DNAH9: variants seen among roughly 807,000 people sequenced by gnomAD.
DNAH9 encodes the protein dynein axonemal heavy chain 9, also known as DNAH9 variant protein.
In DNAH9, 345 loss-of-function variants were observed where a neutral mutation model predicts 471.6. The ratio of observed to expected loss-of-function variants is 0.73; its 90% CI spans 0.67 to 0.80. The LOEUF (loss-of-function observed/expected upper bound fraction) is 0.80. DNAH9 is among the 30% of genes least tolerant of loss of function. The pLI, the probability that DNAH9 is intolerant of heterozygous loss-of-function variation, is 0.00. For missense variants in DNAH9, 5,407 were observed against 5,609.2 expected, an observed-to-expected ratio of 0.96 and a Z score of 1.15; for synonymous variants, 2,093 against 2,123.6, an observed-to-expected ratio of 0.99 and a Z score of 0.40.
At chr17:11,904,222 G>A (rs925493258) in intron 60 of DNAH9, among the ~76,000 whole-genome samples, 1 of 152,142 alleles carries the variant, frequency 6.6e-6, no homozygotes, top group African/African-American at 2.4e-5. Context: ...TGTCACCCAG[G>A]CTGAAAGAGA....
Position 11,854,334 on chromosome 17 carries a change from G to C in DNAH9, c.9839G>C (p.Cys3280Ser). ...ATTGTGAGATTTTATGAGGTGTTCTGTGATGTGGAACCCAAGCGCCAGGCA... is the reference window on the plus strand; with the variant it reads ...ATTGTGAGATTTTATGAGGTGTTCTCTGATGTGGAACCCAAGCGCCAGGCA... ...INIVRFYEVF[C>S]DVEPKRQALN... The change falls in exon 50 of 69, where the codon TGT becomes TCT. Residue 3280 changes from cysteine (C) to serine (S), a missense_variant. By Grantham distance (112) the Cys-to-Ser change is moderately radical (BLOSUM62 -1). Around this residue, in one of 3 missense-constraint regions of DNAH9, gnomAD observed 4,636 missense variants for 4,900.3 expected, o/e 0.95. Coordinates refer to ENST00000262442, the MANE Select transcript of DNAH9 (RefSeq NM_001372.4). 6.2e-7 allele frequency: 1 copy of C among 1,614,094 alleles called. No homozygotes were observed. The highest frequency in any genetic ancestry group is 1.7e-5 in the Admixed American group (1 of 60,012).
At chr17:11,957,539 C>A (rs1188566409) in intron 67 of DNAH9, among the ~76,000 whole-genome samples, 1 of 145,708 alleles carries the variant, frequency 6.9e-6, no homozygotes, top group African/African-American at 2.5e-5. Flanking sequence ...CTTGGATTTT[C>A]TTTATGCCTC....
At chr17:11,863,859 G>A (rs1181250445) in intron 50 of DNAH9, among the ~76,000 whole-genome samples, 4 of 151,494 alleles carry the variant, frequency 2.6e-5, no homozygotes, top group African/African-American at 9.7e-5. Context: ...TGTGGGATCG[G>A]TGGTGATATC....
At chr17:11,812,284 T>G (rs1969956419) in intron 45 of DNAH9, among the ~76,000 whole-genome samples, 2 of 151,072 alleles carry the variant, frequency 1.3e-5, no homozygotes, top group Admixed American at 1.3e-4. Context: ...CTCAAAAGCC[T>G]TCTCTCTCTC....
chr17:11,736,834 A>G (rs1461782862), intron 28 of DNAH9, among the ~76,000 whole-genome samples: 1 of 152,244 alleles, frequency 6.6e-6, no homozygotes, highest in Non-Finnish European at 1.5e-5. Flanking sequence ...CAGAATGAAC[A>G]GCAGAAAAGG....
chr17:11,718,300 G>A (rs1020494803), intron 26 of DNAH9, among the ~76,000 whole-genome samples: 32 of 152,190 alleles, frequency 2.1e-4, no homozygotes, highest in Non-Finnish European at 3.7e-4. Flanking sequence ...TACACTCTAC[G>A]AATTACCACA....
chr17:11,812,046 T>C (rs572222747), intron 45 of DNAH9, among the ~76,000 whole-genome samples: 6,801 of 78,332 alleles, frequency 0.087, 1,089 homozygotes, highest in African/African-American at 0.21. Context: ...TATATATATA[T>C]ATATATATAC....
intron 22 of DNAH9, among the ~76,000 whole-genome samples, chr17:11,698,831 TC>T (rs11329468): frequency 0.16 from 24,055 of 152,072 alleles, 2,004 homozygotes; most frequent in Middle Eastern, 0.19. Flanking sequence ...GTAGAGGACC[TC>T]TACTCCTCAG....
intron 68 of DNAH9, among the ~76,000 whole-genome samples, chr17:11,967,034 CA>C (rs375839377): frequency 0.036 from 2,334 of 65,104 alleles, 35 homozygotes; most frequent in African/African-American, 0.12. Flanking sequence ...GACTCCATCT[CA>C]AAAAAAAAAA....
At chr17:11,834,347 AAAGAAG>A (rs1171351727) in intron 48 of DNAH9, among the ~76,000 whole-genome samples, 3 of 148,920 alleles carry the variant, frequency 2.0e-5, no homozygotes, top group African/African-American at 7.5e-5. Flanking sequence ...AAAAAAAAAA[AAAGAAG>A]AAGAAGAAAT....
chr17:11,880,368 C>A (rs1289142067), intron 54 of DNAH9, among the ~76,000 whole-genome samples, 168 bp downstream of exon 54: 1 of 152,106 alleles, frequency 6.6e-6, no homozygotes, highest in Non-Finnish European at 1.5e-5. Context: ...TATTTAGTGG[C>A]CTTTGTTTCC....
At chr17:11,762,829 G>C (rs1245604213) in intron 35 of DNAH9, among the ~76,000 whole-genome samples, 6 of 134,298 alleles carry the variant, frequency 4.5e-5, no homozygotes, top group Non-Finnish European at 9.3e-5. Context: ...ACCCAGGCTG[G>C]AATGCAGTGG....
At chr17:11,939,046 C>T (rs1974810617) in intron 66 of DNAH9, among the ~76,000 whole-genome samples, 1 of 152,156 alleles carries the variant, frequency 6.6e-6, no homozygotes. Context: ...GGTATGGAGT[C>T]ATGTCATCAA....
At chr17:11,720,843 A>C (rs978215169) in intron 27 of DNAH9, among the ~76,000 whole-genome samples, 1 of 152,164 alleles carries the variant, frequency 6.6e-6, no homozygotes, top group African/African-American at 2.4e-5. Flanking sequence ...AAATTTTAGC[A>C]CAGTTGCTTT....
chr17:11,764,800 C>A (rs1005592024), intron 36 of DNAH9, among the ~76,000 whole-genome samples: 1 of 151,922 alleles, frequency 6.6e-6, no homozygotes, highest in Non-Finnish European at 1.5e-5. Flanking sequence ...TAAATAAGAG[C>A]ATGGAAGGGA....
At chr17:11,948,894 G>A (rs1975250288) in intron 67 of DNAH9, among the ~76,000 whole-genome samples, 1 of 152,138 alleles carries the variant, frequency 6.6e-6, no homozygotes, top group South Asian at 2.1e-4. Context: ...GGAGGACCTG[G>A]GTGCTGCTGC....
intron 41 of DNAH9, among the ~76,000 whole-genome samples, chr17:11,784,879 GAA>G (rs113090260): frequency 0.059 from 8,883 of 151,786 alleles, 896 homozygotes; most frequent in African/African-American, 0.2. Flanking sequence ...AAGAAAGAAA[GAA>G]AACTATTTTG....
intron 22 of DNAH9, among the ~76,000 whole-genome samples, chr17:11,698,416 G>T (rs2074532978): frequency 6.9e-6 from 1 of 145,520 alleles, no homozygotes; most frequent in African/African-American, 2.5e-5. Context: ...GCTCTTCTTT[G>T]CCCTCTTGAG....
intron 61 of DNAH9, among the ~76,000 whole-genome samples, chr17:11,917,820 T>G (rs1209384269): frequency 1.3e-5 from 2 of 152,150 alleles, no homozygotes; most frequent in African/African-American, 4.8e-5. Flanking sequence ...TCACATCTTT[T>G]TGTCACATCC....
Sources: gnomAD v4.1 joint callset for allele counts (sites outside exome capture counted in the v4.1 genomes callset) on GRCh38, gnomAD v4.1.1 for gene constraint, gnomAD v4.1.1 regional missense constraint, MANE v1.5 for transcripts, NCBI Gene and HGNC (gene_info 2026-07-23, HGNC 2026-07-21) for gene names.